The following CADM2 variants were observed in gnomAD, a reference collection of about 807,000 sequenced individuals.
CADM2 encodes the protein immunoglobulin superfamily member 4D.
CADM2 carries 12 observed loss-of-function variants against 49.8 expected under a neutral mutation model. The ratio of observed to expected loss-of-function variants is 0.24; its 90% confidence interval spans 0.15 to 0.39. CADM2 has a LOEUF of 0.39. Ranked by LOEUF, CADM2 falls within the 10% of genes least tolerant of loss-of-function variation. The probability of loss-of-function intolerance (pLI) is 1.00; values close to 1 mark genes in which losing one functional copy is unlikely to be tolerated. For synonymous variants in CADM2, 214 were observed against 175.4 expected, an observed-to-expected ratio of 1.22 and a Z score of -1.74; for missense variants, 378 against 492.3, an observed-to-expected ratio of 0.77 and a Z score of 2.20.
rs535057857 is a variant in CADM2 at position 85,331,987 on chromosome 3, C to T, written c.61+372319C>T. 9.9e-5 allele frequency among the ~76,000 whole-genome samples: 15 copies of T among 152,120 alleles called. No individual in the cohort carries two copies. The South Asian group carries it at 2.9e-3, about 29-fold the overall frequency. ...GGAGAGCAGTACAAAAGGTCAACAC[C>T]TTTGACAGTTTCTTATAAATTTCAA... On this transcript the variant is annotated intron_variant, in intron 1 of 9. Transcript: ENST00000383699.
intron 1 of CADM2, among the ~76,000 whole-genome samples, chr3:85,035,191 G>A (rs148366027): frequency 0.011 from 1,722 of 152,082 alleles, 37 homozygotes; most frequent in African/African-American, 0.039. Context: ...GCACCTTTTC[G>A]TCTACCTGTT....
intron 1 of CADM2, among the ~76,000 whole-genome samples, chr3:85,187,482 T>C (rs1377055527): frequency 6.6e-6 from 1 of 152,120 alleles, no homozygotes; most frequent in Admixed American, 6.6e-5. Flanking sequence ...AATAAAACTA[T>C]ATGTAACTCT....
At chr3:84,959,813 G>A (rs1033667641) in intron 1 of CADM2, 145 bp downstream of exon 1, 55 of 759,656 alleles carry the variant, frequency 7.2e-5, no homozygotes, top group Non-Finnish European at 1.1e-4. Flanking sequence ...GTGCGGCAGG[G>A]GGCAGTGGCA....
At chr3:85,885,680 CAAAAA>C (rs1230774557) in intron 4 of CADM2, among the ~76,000 whole-genome samples, 1 of 86,596 alleles carries the variant, frequency 1.2e-5, no homozygotes, top group South Asian at 4.7e-4. Context: ...GACTCTATCT[CAAAAA>C]AAAAAAAAAA....
intron 1 of CADM2, among the ~76,000 whole-genome samples, chr3:85,480,503 T>C (rs2039167958): frequency 6.6e-6 from 1 of 151,812 alleles, no homozygotes; most frequent in East Asian, 1.9e-4. Context: ...AGAATAATAG[T>C]CCTAACTCTA....
intron 8 of CADM2, among the ~76,000 whole-genome samples, chr3:86,011,901 A>G (rs781062697): frequency 3.2e-4 from 49 of 152,150 alleles, no homozygotes; most frequent in Non-Finnish European, 5.1e-4. Context: ...TTAGAGAGAA[A>G]TAATAATGTT....
rs76120023 is a variant in CADM2, at chr3:85,289,922, G to C, written c.61+330254G>C. ...TTAACTAAGGTTATATATCTAAGAA[G>C]TAGTAAATGGAGGAGCCAAGATGGC... On this transcript the variant is annotated intron_variant, in intron 1 of 9. Transcript: ENST00000383699. Among the ~76,000 whole-genome samples the C allele has an allele frequency of 1.6e-4, 24 of 152,264 alleles. No individual in the cohort carries two copies. In the East Asian group the frequency reaches 4.6e-3, roughly 29 times the overall value.
intron 1 of CADM2, among the ~76,000 whole-genome samples, chr3:85,498,171 G>GTTTTTTTTTTTT (rs61505551): frequency 7.4e-6 from 1 of 134,614 alleles, no homozygotes; most frequent in Non-Finnish European, 1.6e-5. Context: ...TTGTTGCCAA[G>GTTTTTTTTTTTT]TTTTTTTTTT....
intron 1 of CADM2, among the ~76,000 whole-genome samples, chr3:85,406,326 A>C (rs2035375015): frequency 6.6e-6 from 1 of 152,168 alleles, no homozygotes; most frequent in Admixed American, 6.5e-5. Flanking sequence ...CTGAGAAGAT[A>C]CTATATTTTT....
At chr3:85,154,569 G>T (rs2040041272) in intron 1 of CADM2, among the ~76,000 whole-genome samples, 1 of 151,726 alleles carries the variant, frequency 6.6e-6, no homozygotes, top group South Asian at 2.1e-4. Flanking sequence ...CCAACATTCA[G>T]ATTCAGGAAA....
rs752725804 is a variant in CADM2, at chr3:86,065,605, A to G, written c.971A>G (p.Asp324Gly). Reference sequence around the variant, plus strand: ...AACAATATTTTCCTGTCTTTTCCAGATCCTAATGCTTTGGCTGGCCAGAAT... The same window carrying G: ...AACAATATTTTCCTGTCTTTTCCAGGTCCTAATGCTTTGGCTGGCCAGAAT... ...SSAEYVLIVH[D>G]PNALAGQNGP... is the part of the protein sequence containing the mutation. Residue 324 changes from aspartate to glycine, a missense_variant and splice_region_variant, in exon 9 of 10, where the codon GAT (aspartate) becomes GGT (glycine). Coordinates refer to ENST00000383699, the MANE Select transcript of CADM2 (RefSeq NM_001167675.2). 8 of 1,610,074 alleles carry G rather than the reference A, an allele frequency of 5.0e-6. No individual in the cohort carries two copies. The highest frequency in any genetic ancestry group is 6.8e-6 in the Non-Finnish European group (8 of 1,178,718).
intron 1 of CADM2, among the ~76,000 whole-genome samples, chr3:85,285,623 A>G (rs966638945): frequency 6.6e-6 from 1 of 152,100 alleles, no homozygotes; most frequent in Non-Finnish European, 1.5e-5. Flanking sequence ...CAAAATTAAT[A>G]TGAATAAAGT....
At chr3:85,714,778 C>A (rs549024321) in intron 1 of CADM2, among the ~76,000 whole-genome samples, 3 of 152,170 alleles carry the variant, frequency 2.0e-5, no homozygotes, top group Non-Finnish European at 4.4e-5. Flanking sequence ...TTCCCACCTC[C>A]TTTTACTCCC....
At chr3:85,069,800 T>G (rs111686305) in intron 1 of CADM2, among the ~76,000 whole-genome samples, 5 of 152,168 alleles carry the variant, frequency 3.3e-5, no homozygotes, top group South Asian at 2.1e-4. Context: ...CTAGACGTCA[T>G]ACAAATATTA....
chr3:85,369,616 AAGG>A (rs2033049455), intron 1 of CADM2, among the ~76,000 whole-genome samples: 1 of 152,208 alleles, frequency 6.6e-6, no homozygotes, highest in African/African-American at 2.4e-5. Context: ...GTATACTGTG[AAGG>A]AGAACTGTGT....
chr3:84,981,023 T>TTGTGCAGGTTAGTTACATATG (rs2032143963), intron 1 of CADM2, among the ~76,000 whole-genome samples: 1 of 151,884 alleles, frequency 6.6e-6, no homozygotes, highest in South Asian at 2.1e-4. Context: ...CATGTGCACA[T>TTGTGCAGGTTAGTTACATATG]TGTGCAGGTT....
At chr3:86,012,446 G>A (rs1283820433) in intron 8 of CADM2, 4 of 477,366 alleles carry the variant, frequency 8.4e-6, no homozygotes, top group East Asian at 4.2e-5. Flanking sequence ...CCTCGCCCGC[G>A]CGCCGGCCCT....
intron 2 of CADM2, among the ~76,000 whole-genome samples, chr3:85,745,607 G>A (rs562832015): frequency 9.9e-5 from 15 of 152,108 alleles, no homozygotes; most frequent in African/African-American, 3.4e-4. Context: ...GGCTCACGCC[G>A]GTAATCCCAA....
At chr3:85,611,628 A>G (rs17023078) in intron 1 of CADM2, among the ~76,000 whole-genome samples, 6,427 of 151,912 alleles carry the variant, frequency 0.042, 455 homozygotes, top group African/African-American at 0.15. Context: ...TCTGAGAGTG[A>G]AGAGCTTTGG....
Sources: allele counts gnomAD v4.1 joint callset (sites outside exome capture counted in the v4.1 genomes callset), GRCh38; gene constraint gnomAD v4.1.1; transcripts MANE v1.5; gene names NCBI Gene and HGNC (gene_info 2026-07-23, HGNC 2026-07-21).